The following DNAH14 variants were observed in gnomAD, a reference collection of about 807,000 sequenced individuals.
DNAH14 encodes the protein dynein axonemal heavy chain 14.
Under a neutral mutation model 520.9 loss-of-function variants are expected in DNAH14, and 478 were observed. The observed-to-expected ratio is 0.92, with a 90% confidence interval of 0.85 to 0.99. The LOEUF (loss-of-function observed/expected upper bound fraction) is 0.99. Among genes scored for constraint, DNAH14 ranks in the 50% least tolerant of loss-of-function variants. The probability of loss-of-function intolerance (pLI) is 0.00; values close to 1 mark genes in which losing one functional copy is unlikely to be tolerated. For synonymous variants in DNAH14, 1,581 were observed against 1,757.2 expected (o/e 0.90, Z 2.51); for missense variants, 4,831 against 5,234.5 (o/e 0.92, Z 2.38).
At chr1:225,038,083 T>C (rs756068105) in intron 11 of DNAH14, among the ~76,000 whole-genome samples, 1 of 152,230 alleles carries the variant, frequency 6.6e-6, no homozygotes, top group East Asian at 1.9e-4. Flanking sequence ...TTCTTTCAGA[T>C]TGAAGCACTT....
intron 26 of DNAH14, among the ~76,000 whole-genome samples, chr1:225,120,529 G>A (rs918619728): frequency 3.3e-5 from 5 of 152,190 alleles, no homozygotes; most frequent in Non-Finnish European, 7.3e-5. Context: ...GGCTGTTGCC[G>A]GTTTTGTTTG....
In DNAH14 at chr1:225,097,133, T is replaced by C. The variant is rs927108170; in HGVS notation, c.3589T>C (p.Trp1197Arg). Residue 1197 changes from tryptophan to arginine, a missense_variant, in exon 22 of 86, where the codon TGG (tryptophan) becomes CGG (arginine). Transcript: ENST00000682510. ...IGPIKDLVNE[W>R]DQNLTLFSYT... is the part of the protein sequence containing the mutation. ...ATCATTGTAGGATCTTGTGAATGAA[T>C]GGGATCAAAACTTGACTCTCTTCTC... 1.3e-6 allele frequency: 2 copies of C among 1,548,072 alleles called. No homozygotes were observed. Among genetic ancestry groups the C allele is most frequent in the African/African-American group, 2.7e-5 (2 of 72,958 alleles).
intron 23 of DNAH14, among the ~76,000 whole-genome samples, chr1:225,114,481 T>C (rs75688185): frequency 0.069 from 10,503 of 152,202 alleles, 579 homozygotes; most frequent in East Asian, 0.24. Flanking sequence ...AGCTCTCCTT[T>C]AGTTGCTTCA....
chr1:225,000,320 T>C (rs562730495), intron 8 of DNAH14, among the ~76,000 whole-genome samples: 1 of 152,278 alleles, frequency 6.6e-6, no homozygotes, highest in South Asian at 2.1e-4. Context: ...TCTTTGTGTT[T>C]AGTTTTCAGA....
intron 54 of DNAH14, among the ~76,000 whole-genome samples, chr1:225,289,137 C>CTGA (rs2093810459): frequency 6.6e-6 from 1 of 152,120 alleles, no homozygotes; most frequent in African/African-American, 2.4e-5. Context: ...GAACAAACTA[C>CTGA]TGATACACAT....
chr1:224,948,816 C>T (rs1340209784), intron 1 of DNAH14, among the ~76,000 whole-genome samples: 1 of 152,078 alleles, frequency 6.6e-6, no homozygotes, highest in Non-Finnish European at 1.5e-5. Context: ...CCAGAAAATG[C>T]AAGTATCTTA....
chr1:225,368,557 T>C (rs1332757282), intron 77 of DNAH14, among the ~76,000 whole-genome samples: 1 of 152,224 alleles, frequency 6.6e-6, no homozygotes, highest in Non-Finnish European at 1.5e-5. Context: ...TTGTGCTTTA[T>C]TGCAGGGTGT....
At chr1:225,363,564 C>G (rs1409810665) in intron 75 of DNAH14, among the ~76,000 whole-genome samples, 1 of 152,138 alleles carries the variant, frequency 6.6e-6, no homozygotes, top group African/African-American at 2.4e-5. Flanking sequence ...GTTCCTCAGT[C>G]TGCCTTTGTC....
chr1:225,214,812 G>T (rs2089043946), intron 41 of DNAH14, among the ~76,000 whole-genome samples: 1 of 151,834 alleles, frequency 6.6e-6, no homozygotes, highest in African/African-American at 2.4e-5. Flanking sequence ...TTCTTTATTA[G>T]TCTTGCTAGC....
intron 10 of DNAH14, among the ~76,000 whole-genome samples, chr1:225,023,090 G>A (rs1296200378): frequency 2.0e-5 from 3 of 152,096 alleles, no homozygotes; most frequent in Non-Finnish European, 4.4e-5. Context: ...GACTGCTTGA[G>A]GGAGGAGGGT....
At chr1:225,026,810 T>C (rs1460211717) in intron 11 of DNAH14, among the ~76,000 whole-genome samples, 1 of 152,164 alleles carries the variant, frequency 6.6e-6, no homozygotes, top group Non-Finnish European at 1.5e-5. Flanking sequence ...AGCTAGAATT[T>C]TGATAGAGGC....
intron 10 of DNAH14, among the ~76,000 whole-genome samples, chr1:225,020,567 A>T (rs1184932950): frequency 6.6e-6 from 1 of 151,406 alleles, no homozygotes; most frequent in Non-Finnish European, 1.5e-5. Context: ...TAGAAAACCT[A>T]CAAGAAATTA....
chr1:225,141,156 G>A (rs2079420216), intron 28 of DNAH14, 135 bp downstream of exon 28: 1 of 826,418 alleles, frequency 1.2e-6, no homozygotes, highest in Non-Finnish European at 1.8e-6. Flanking sequence ...TAAGCAAACT[G>A]TACCAATCTG....
chr1:225,263,924 GT>G (rs2149786958), intron 46 of DNAH14, among the ~76,000 whole-genome samples: 2 of 152,164 alleles, frequency 1.3e-5, no homozygotes, highest in African/African-American at 4.8e-5. Flanking sequence ...GATAAGTAAG[GT>G]AATGGCTTAC....
intron 27 of DNAH14, among the ~76,000 whole-genome samples, chr1:225,138,291 C>T (rs6699554): frequency 3.0e-4 from 45 of 152,344 alleles, no homozygotes; most frequent in African/African-American, 1.0e-3. Flanking sequence ...AGCCTGCCAG[C>T]TGCAACAGCC....
intron 10 of DNAH14, among the ~76,000 whole-genome samples, chr1:225,019,624 G>A (rs77948905): frequency 0.011 from 1,680 of 152,026 alleles, 17 homozygotes; most frequent in Non-Finnish European, 0.016. Context: ...CATTCTTCTC[G>A]TCAGCACATG....
At chr1:225,343,695 T>C (rs181025359) in intron 69 of DNAH14, among the ~76,000 whole-genome samples, 54 of 152,362 alleles carry the variant, frequency 3.5e-4, no homozygotes, top group African/African-American at 1.3e-3. Context: ...CTTTTCAATG[T>C]TAATTATACC....
rs201365862 is a variant in DNAH14, at chr1:225,100,285, CCT to C, written c.3696-425_3696-424del. Among the ~76,000 whole-genome samples, 581 of 152,190 alleles carry C rather than the reference CCT, an allele frequency of 3.8e-3. 4 individuals are homozygous for C. The highest frequency in any genetic ancestry group is 0.013 in the African/African-American group (549 of 41,520). On this transcript the variant is annotated intron_variant, in intron 22 of 85. Coordinates refer to ENST00000682510, the MANE Select transcript of DNAH14 (RefSeq NM_001367479.1). ...ATTCTTGCTTCTAAGCTGAATGCCC[CCT>C]CTGTCTTCTATTCACATCAAAGCTC...
At chr1:225,086,041 A>T (rs577303214) in intron 21 of DNAH14, among the ~76,000 whole-genome samples, 1 of 152,042 alleles carries the variant, frequency 6.6e-6, no homozygotes, top group East Asian at 1.9e-4. Context: ...ATATGACCTT[A>T]TAACCATGGC....
Sources: allele counts gnomAD v4.1 joint callset (sites outside exome capture counted in the v4.1 genomes callset), GRCh38; gene constraint gnomAD v4.1.1; transcripts MANE v1.5; gene names NCBI Gene and HGNC (gene_info 2026-07-23, HGNC 2026-07-21).